SLC1A3: variants seen among roughly 807,000 people sequenced by gnomAD.
SLC1A3 encodes excitatory amino acid transporter 1.
In SLC1A3, 21 loss-of-function variants were observed where a neutral mutation model predicts 48.1. The ratio of observed to expected loss-of-function variants is 0.44; its 90% CI spans 0.31 to 0.63. The LOEUF (loss-of-function observed/expected upper bound fraction) is 0.63. Ranked by LOEUF, SLC1A3 falls within the 20% of genes least tolerant of loss-of-function variation. The pLI is 0.08. For missense variants in SLC1A3, 546 were observed against 689.0 expected, an observed-to-expected ratio of 0.79 and a Z score of 2.32; for synonymous variants, 239 against 251.4, an observed-to-expected ratio of 0.95 and a Z score of 0.47.
chr5:36,602,158 C>A (rs1738816261), upstream of SLC1A3, among the ~76,000 whole-genome samples: 1 of 151,734 alleles, frequency 6.6e-6, no homozygotes, highest in African/African-American at 2.4e-5. Context: ...TGTAGGCCTT[C>A]CTTTTAATGT....
At chr5:36,611,239 A>G (rs1213170710) in intron 2 of SLC1A3, among the ~76,000 whole-genome samples, 1 of 146,850 alleles carries the variant, frequency 6.8e-6, no homozygotes, top group African/African-American at 2.5e-5. Context: ...AGCTATAGTT[A>G]TTACCTAGTT....
At chr5:36,678,200 G>A (rs1362395114) in intron 6 of SLC1A3, among the ~76,000 whole-genome samples, 2 of 152,164 alleles carry the variant, frequency 1.3e-5, no homozygotes, top group Non-Finnish European at 2.9e-5. Context: ...GATTAAAAAT[G>A]CCCTTGTCTT....
chr5:36,611,860 A>G (rs1739212883), intron 2 of SLC1A3, among the ~76,000 whole-genome samples: 1 of 152,192 alleles, frequency 6.6e-6, no homozygotes, highest in Non-Finnish European at 1.5e-5. Flanking sequence ...GTCACAGAAC[A>G]CTGACTCTTT....
chr5:36,615,449 ATAACCC>A (rs1483507415), intron 2 of SLC1A3, among the ~76,000 whole-genome samples: 2 of 152,150 alleles, frequency 1.3e-5, no homozygotes, highest in Non-Finnish European at 2.9e-5. Flanking sequence ...TTTTTCCTAG[ATAACCC>A]ATTCTGGCTG....
rs1742653939 is a variant in SLC1A3 at position 36,686,479 on chromosome 5, T to A, written c.*210T>A. The A allele has an allele frequency of 3.4e-6, 2 of 585,310 alleles. No individual in the cohort carries two copies. Among genetic ancestry groups the A allele is most frequent in the African/African-American group, 3.7e-5 (2 of 53,666 alleles). The allele number at this position is 585,310 out of a possible 1,614,324, so 36.3% of individuals were successfully genotyped here. ...TCATCCCACAATTGAAATTTTTAAATCATTTCATGTTAGTCTTACCGAATA... is the reference window on the plus strand; with the variant it reads ...TCATCCCACAATTGAAATTTTTAAAACATTTCATGTTAGTCTTACCGAATA... On this transcript the variant is annotated 3_prime_UTR_variant, in exon 10 of 10. Coordinates refer to ENST00000265113, the MANE Select transcript of SLC1A3 (RefSeq NM_004172.5).
rs34710652 is a variant in SLC1A3, at chr5:36,617,415, C to CTTTTTTTT, written c.181+8826_181+8833dup. ...AGAAAGAGGGAGAAAAGGTTGCGGG[C>CTTTTTTTT]TTTTTTTTTTTTTTTTTTTTTTGGC... On this transcript the variant is annotated intron_variant, in intron 2 of 9. Transcript: ENST00000265113. Among the ~76,000 whole-genome samples, 25 of 57,686 alleles carry CTTTTTTTT rather than the reference C, an allele frequency of 4.3e-4. No homozygotes were observed. The East Asian group carries it at 7.0e-3, about 16-fold the overall frequency. The allele number at this position is 57,686 out of a possible 152,430, so 37.8% of individuals were successfully genotyped here.
upstream of SLC1A3, among the ~76,000 whole-genome samples, chr5:36,605,138 C>T (rs1373939281): frequency 1.3e-5 from 2 of 152,134 alleles, no homozygotes; most frequent in Non-Finnish European, 2.9e-5. Flanking sequence ...TTAATATTGA[C>T]TCTGTATTAG....
intron 7 of SLC1A3, among the ~76,000 whole-genome samples, chr5:36,680,167 C>G (rs571707880): frequency 6.6e-6 from 1 of 152,346 alleles, no homozygotes; most frequent in South Asian, 2.1e-4. Flanking sequence ...AGGGCATGAT[C>G]ACAAGTGATG....
At chr5:36,653,710 G>A (rs1043875271) in intron 3 of SLC1A3, among the ~76,000 whole-genome samples, 2 of 152,170 alleles carry the variant, frequency 1.3e-5, no homozygotes, top group African/African-American at 4.8e-5. Context: ...GTGATGCCCT[G>A]GACTTGTGAG....
chr5:36,631,120 C>A (rs1025374133), intron 3 of SLC1A3, among the ~76,000 whole-genome samples: 5 of 152,218 alleles, frequency 3.3e-5, no homozygotes, highest in Non-Finnish European at 5.9e-5. Flanking sequence ...GGCAGGGCAT[C>A]TGGATTAAGT....
At chr5:36,666,210 A>G (rs905320367) in intron 3 of SLC1A3, 3 of 152,088 alleles carry the variant, frequency 2.0e-5, no homozygotes, top group Non-Finnish European at 4.4e-5. Flanking sequence ...TATGAAGTAT[A>G]TTGTATTTTT....
intron 3 of SLC1A3, among the ~76,000 whole-genome samples, chr5:36,652,325 TACACAC>T (rs3051477): frequency 6.6e-6 from 1 of 150,526 alleles, no homozygotes; most frequent in Non-Finnish European, 1.5e-5. Context: ...CACACACACA[TACACAC>T]ACACACACAC....
At chr5:36,620,998 C>T (rs1739642504) in intron 2 of SLC1A3, among the ~76,000 whole-genome samples, 1 of 151,896 alleles carries the variant, frequency 6.6e-6, no homozygotes, top group Admixed American at 6.6e-5. Context: ...CTCCACCTCC[C>T]AGGTTCAAGC....
chr5:36,635,172 T>TGAA (rs1309648343), intron 3 of SLC1A3, among the ~76,000 whole-genome samples: 2 of 146,028 alleles, frequency 1.4e-5, no homozygotes, highest in Non-Finnish European at 3.0e-5. Context: ...TACGTTGTAT[T>TGAA]GAAAAAAAAA....
chr5:36,653,318 G>C (rs1344412293), intron 3 of SLC1A3, among the ~76,000 whole-genome samples: 1 of 152,188 alleles, frequency 6.6e-6, no homozygotes, highest in Non-Finnish European at 1.5e-5. Context: ...GTTATTTCAT[G>C]TCAGATAATT....
At chr5:36,666,384 G>A (rs1741749202) in intron 3 of SLC1A3, 1 of 152,144 alleles carries the variant, frequency 6.6e-6, no homozygotes. Flanking sequence ...TTGTGGAGAA[G>A]GGGTACATCT....
At chr5:36,608,936 A>G in intron 2 of SLC1A3, 1 of 1,046,022 alleles carries the variant, frequency 9.6e-7, no homozygotes, top group Non-Finnish European at 1.2e-6. Flanking sequence ...AGATTTGGCC[A>G]AAATGTAATT....
intron 3 of SLC1A3, among the ~76,000 whole-genome samples, chr5:36,652,719 C>G (rs1025958375): frequency 6.6e-6 from 1 of 152,292 alleles, no homozygotes; most frequent in Admixed American, 6.5e-5. Flanking sequence ...TGGCTTTATT[C>G]TTCTCCTCCC....
chr5:36,599,837 G>A (rs1738787928), intron 1 of SLC1A3, among the ~76,000 whole-genome samples: 1 of 151,630 alleles, frequency 6.6e-6, no homozygotes, highest in African/African-American at 2.4e-5. Context: ...ATTTATTTGA[G>A]ACGGAGTTTC....
Sources: allele counts gnomAD v4.1 joint callset (sites outside exome capture counted in the v4.1 genomes callset), GRCh38; gene constraint gnomAD v4.1.1; transcripts MANE v1.5; gene names NCBI Gene and HGNC (gene_info 2026-07-23, HGNC 2026-07-21).